The following SUGCT variants were observed in gnomAD, a reference collection of about 807,000 sequenced individuals.
The protein encoded by SUGCT is succinyl-CoA:glutarate-CoA transferase.
In SUGCT, 41 loss-of-function variants were observed where a neutral mutation model predicts 55.0. The ratio of observed to expected loss-of-function variants is 0.74; its 90% CI spans 0.58 to 0.97. The LOEUF is 0.97. SUGCT is among the 50% of genes least tolerant of loss of function. The pLI is 0.00. For synonymous variants in SUGCT, 187 were observed against 200.4 expected (o/e 0.93, Z 0.56); for missense variants, 568 against 547.8 (o/e 1.04, Z -0.37).
At chr7:40,703,061 C>CTTTTTTTTTTT in intron 12 of SUGCT, among the ~76,000 whole-genome samples, 1 of 115,774 alleles carries the variant, frequency 8.6e-6, no homozygotes, top group South Asian at 2.7e-4. Flanking sequence ...TTCAGCCTAG[C>CTTTTTTTTTTT]TTTTTTTTTT....
intron 12 of SUGCT, among the ~76,000 whole-genome samples, chr7:40,555,615 C>A (rs1489408389): frequency 6.7e-6 from 1 of 150,090 alleles, no homozygotes; most frequent in South Asian, 2.1e-4. Flanking sequence ...GCCTGCTGGA[C>A]CCCACTTCTG....
the SUGCT span, among the ~76,000 whole-genome samples, chr7:40,920,372 A>G: frequency 1.3e-5 from 2 of 152,188 alleles, no homozygotes; most frequent in African/African-American, 4.8e-5. Flanking sequence ...GAGATTAACA[A>G]GAATATCACC....
intron 13 of SUGCT, among the ~76,000 whole-genome samples, chr7:40,751,854 C>A (rs1006542334): frequency 2.0e-5 from 3 of 152,158 alleles, no homozygotes; most frequent in Non-Finnish European, 2.9e-5. Flanking sequence ...AGTGGCCAAC[C>A]AAGAATGAAC....
At chr7:41,004,263 C>A in the SUGCT span, among the ~76,000 whole-genome samples, 1 of 152,146 alleles carries the variant, frequency 6.6e-6, no homozygotes, top group South Asian at 2.1e-4. Flanking sequence ...TTCTTTCAGG[C>A]CCTGAATATG....
intron 12 of SUGCT, among the ~76,000 whole-genome samples, chr7:40,556,828 TA>T (rs1795584094): frequency 6.6e-6 from 1 of 152,222 alleles, no homozygotes; most frequent in Non-Finnish European, 1.5e-5. Flanking sequence ...TTTGTAAGAA[TA>T]AGCTTTAAAA....
chr7:40,589,150 ATGTG>A (rs148183852), intron 12 of SUGCT, among the ~76,000 whole-genome samples: 30 of 150,384 alleles, frequency 2.0e-4, no homozygotes, highest in Non-Finnish European at 3.6e-4. Context: ...ATGTACATAT[ATGTG>A]TGTGTGTGTG....
rs565288804 is a variant in SUGCT, at chr7:40,664,875, G to A, written c.1090-84559G>A. ...AGTGCCTGTAGTCCCAGCTGCTCGGGAGGCTGAGGCAGGAGAATGGCGTGA... is the reference window on the plus strand; with the variant it reads ...AGTGCCTGTAGTCCCAGCTGCTCGGAAGGCTGAGGCAGGAGAATGGCGTGA... On this transcript the variant is annotated intron_variant, in intron 12 of 13. Coordinates refer to ENST00000335693, the MANE Select transcript of SUGCT (RefSeq NM_001193313.2). Among the ~76,000 whole-genome samples, 37 of 151,720 alleles carry A rather than the reference G, an allele frequency of 2.4e-4. No homozygotes were observed. In the South Asian group the frequency reaches 7.3e-3, roughly 30 times the overall value.
intron 12 of SUGCT, among the ~76,000 whole-genome samples, chr7:40,668,372 A>G (rs1227173632): frequency 6.6e-6 from 1 of 152,112 alleles, no homozygotes; most frequent in African/African-American, 2.4e-5. Context: ...TTATATATGA[A>G]TAGTTGTAGA....
Position 40,401,160 on chromosome 7 carries a change from T to C in SUGCT, c.817-48127T>C, listed in dbSNP as rs201423466. Reference sequence around the variant, plus strand: ...AGCCTGTATCTCATAAAGCCTCAGATATATTTATAAAAATTATAGTGTCTG... The same window carrying C: ...AGCCTGTATCTCATAAAGCCTCAGACATATTTATAAAAATTATAGTGTCTG... On this transcript the variant is annotated intron_variant, in intron 9 of 13. Coordinates refer to ENST00000335693, the MANE Select transcript of SUGCT (RefSeq NM_001193313.2). Among the ~76,000 whole-genome samples, 6 of 152,344 alleles carry C rather than the reference T, an allele frequency of 3.9e-5. No homozygotes were observed. The East Asian group carries it at 1.2e-3, about 29-fold the overall frequency.
intron 10 of SUGCT, among the ~76,000 whole-genome samples, chr7:40,450,739 A>C: frequency 6.6e-6 from 1 of 151,788 alleles, no homozygotes; most frequent in Non-Finnish European, 1.5e-5. Flanking sequence ...GCGCCACTGC[A>C]CTCAAGCCTA....
intron 12 of SUGCT, among the ~76,000 whole-genome samples, chr7:40,594,534 TTAATTAACCTCCC>T (rs1322163847): frequency 8.5e-5 from 13 of 152,060 alleles, no homozygotes; most frequent in Non-Finnish European, 1.9e-4. Flanking sequence ...CTTGGGCAAG[TTAATTAACCTCCC>T]TATGCCTCAA....
At chr7:40,697,088 AAC>A (rs371939635) in intron 12 of SUGCT, among the ~76,000 whole-genome samples, 8 of 151,902 alleles carry the variant, frequency 5.3e-5, no homozygotes, top group Admixed American at 1.3e-4. Flanking sequence ...ACTCACACGT[AAC>A]ACACACACAC....
chr7:40,997,540 C>T, the SUGCT span, among the ~76,000 whole-genome samples: 1 of 152,142 alleles, frequency 6.6e-6, no homozygotes, highest in African/African-American at 2.4e-5. Context: ...CATGACTTTG[C>T]CCTTCCTTTG....
At chr7:40,566,439 C>T (rs1180060170) in intron 12 of SUGCT, among the ~76,000 whole-genome samples, 1 of 152,176 alleles carries the variant, frequency 6.6e-6, no homozygotes, top group East Asian at 1.9e-4. Context: ...CTCTCTTACA[C>T]TTTTCAAATG....
At chr7:40,239,087 T>TG (rs1789195674) in intron 7 of SUGCT, among the ~76,000 whole-genome samples, 2 of 152,098 alleles carry the variant, frequency 1.3e-5, no homozygotes, top group Non-Finnish European at 2.9e-5. Flanking sequence ...ATTACAGGCA[T>TG]GAGCCACCAC....
intron 12 of SUGCT, among the ~76,000 whole-genome samples, chr7:40,633,492 T>C (rs923873095): frequency 3.9e-5 from 6 of 152,240 alleles, no homozygotes; most frequent in Non-Finnish European, 8.8e-5. Context: ...CAAGTATTTA[T>C]ATGAAGTCTC....
At chr7:40,239,562 T>C (rs1278632307) in intron 7 of SUGCT, among the ~76,000 whole-genome samples, 1 of 152,196 alleles carries the variant, frequency 6.6e-6, no homozygotes, top group African/African-American at 2.4e-5. Flanking sequence ...GATTTAAAAA[T>C]TTCTATATTC....
chr7:40,239,123 G>T (rs183079235), intron 7 of SUGCT, among the ~76,000 whole-genome samples: 114 of 151,820 alleles, frequency 7.5e-4, no homozygotes, highest in Admixed American at 3.7e-3. Context: ...TTTTATTTGA[G>T]ACAGGGTCTC....
chr7:40,756,667 A>T (rs1466276448), intron 13 of SUGCT, among the ~76,000 whole-genome samples: 1 of 152,198 alleles, frequency 6.6e-6, no homozygotes, highest in Non-Finnish European at 1.5e-5. Flanking sequence ...AAGAGGAACC[A>T]AAGTTTCAGC....
Sources: allele counts gnomAD v4.1 joint callset (sites outside exome capture counted in the v4.1 genomes callset), GRCh38; gene constraint gnomAD v4.1.1; transcripts MANE v1.5; gene names NCBI Gene and HGNC (gene_info 2026-07-23, HGNC 2026-07-21).